OCM: variants seen among roughly 807,000 people sequenced by gnomAD.
The protein encoded by OCM is oncomodulin.
Under a neutral mutation model 14.1 loss-of-function variants are expected in OCM, and 18 were observed. That is an observed-to-expected ratio of 1.28 (90% confidence interval 0.88 to 1.89). The LOEUF is 1.89. OCM is among the 40% of genes most tolerant of loss of function. The pLI, the probability that OCM is intolerant of heterozygous loss-of-function variation, is 0.00. For missense variants in OCM, 140 were observed against 137.6 expected, an observed-to-expected ratio of 1.02 and a Z score of -0.09; for synonymous variants, 48 against 51.0, an observed-to-expected ratio of 0.94 and a Z score of 0.25.
the OCM span, among the ~76,000 whole-genome samples, chr7:5,871,174 C>G: frequency 1.3e-4 from 7 of 52,498 alleles, no homozygotes; most frequent in South Asian, 1.9e-3. Context: ...TAGTGAGAGC[C>G]CCCCCCCCGT....
At chr7:5,873,874 T>G in the OCM span, among the ~76,000 whole-genome samples, 1 of 151,898 alleles carries the variant, frequency 6.6e-6, no homozygotes, top group Non-Finnish European at 1.5e-5. Flanking sequence ...TAGCCCATCA[T>G]GCATGATGGA....
At chr7:5,885,305 A>G (rs1781309022) in intron 3 of OCM, among the ~76,000 whole-genome samples, 1 of 152,152 alleles carries the variant, frequency 6.6e-6, no homozygotes, top group Non-Finnish European at 1.5e-5. Context: ...AGTCAGTTCA[A>G]AGTCCCACCC....
At chr7:5,874,952 A>G (rs111300046), upstream of OCM, among the ~76,000 whole-genome samples, 230 of 151,798 alleles carry the variant, frequency 1.5e-3, 2 homozygotes, top group African/African-American at 5.4e-3. Context: ...GCTAACCACC[A>G]TTCTGTCTGT....
upstream of OCM, among the ~76,000 whole-genome samples, chr7:5,876,111 T>C (rs1172668427): frequency 1.3e-5 from 2 of 152,098 alleles, no homozygotes; most frequent in African/African-American, 4.8e-5. Flanking sequence ...TTCTAAGTGA[T>C]CCTCCTGACT....
chr7:5,880,814 A>G lies in OCM; in HGVS notation c.-76A>G. 1.5e-6 allele frequency: 2 copies of G among 1,376,782 alleles called. No homozygotes were observed. Among genetic ancestry groups the G allele is most frequent in the Non-Finnish European group, 2.1e-6 (2 of 967,392 alleles). The allele number at this position is 1,376,782 out of a possible 1,614,324, so 85.3% of individuals were successfully genotyped here. ...ATACAGTTTCAGTGGGCCTGGGAAGATGTGTTTCCCCTGGATGTGCACATT... is the reference window on the plus strand; with the variant it reads ...ATACAGTTTCAGTGGGCCTGGGAAGGTGTGTTTCCCCTGGATGTGCACATT... On this transcript the variant is annotated 5_prime_UTR_variant, in exon 1 of 4. It removes an upstream start codon present in the reference 5' UTR. Coordinates refer to ENST00000242104, the MANE Select transcript of OCM (RefSeq NM_001097622.2).
At chr7:5,874,489 A>G in the OCM span, among the ~76,000 whole-genome samples, 1 of 152,024 alleles carries the variant, frequency 6.6e-6, no homozygotes, top group South Asian at 2.1e-4. Flanking sequence ...TATGAAATTT[A>G]CCATCTTAAT....
the OCM span, among the ~76,000 whole-genome samples, chr7:5,867,030 T>C: frequency 1.3e-5 from 2 of 152,244 alleles, no homozygotes; most frequent in African/African-American, 2.4e-5. Flanking sequence ...TTATTTTTTA[T>C]GGCCCATCAA....
chr7:5,874,865 A>G (rs1781062724), upstream of OCM, among the ~76,000 whole-genome samples: 1 of 151,798 alleles, frequency 6.6e-6, no homozygotes, highest in African/African-American at 2.4e-5. Flanking sequence ...AACTGTCACC[A>G]CCATCCATCT....
chr7:5,882,278 C>CCAAGT (rs1183193550), intron 1 of OCM, among the ~76,000 whole-genome samples: 1 of 151,604 alleles, frequency 6.6e-6, no homozygotes, highest in Non-Finnish European at 1.5e-5. Flanking sequence ...ATGGACAAAA[C>CCAAGT]CAAGTGGAGG....
chr7:5,866,877 G>C, the OCM span, among the ~76,000 whole-genome samples: 1 of 152,096 alleles, frequency 6.6e-6, no homozygotes, highest in African/African-American at 2.4e-5. Context: ...ATTGTGTAAG[G>C]TCCAGTCCCT....
the OCM span, among the ~76,000 whole-genome samples, chr7:5,870,558 A>C: frequency 6.6e-6 from 1 of 152,224 alleles, no homozygotes; most frequent in Admixed American, 6.5e-5. Flanking sequence ...TAGGAAAAGC[A>C]GGGAACCAGA....
the OCM span, among the ~76,000 whole-genome samples, chr7:5,859,887 C>T: frequency 2.6e-5 from 4 of 151,784 alleles, no homozygotes. Context: ...AGGGTTTTAC[C>T]ATGTTGGCCA....
chr7:5,865,726 C>T, the OCM span, among the ~76,000 whole-genome samples: 9 of 152,180 alleles, frequency 5.9e-5, no homozygotes, highest in South Asian at 4.1e-4. Flanking sequence ...TGCTCAGCTG[C>T]GACCTGGAAG....
upstream of OCM, among the ~76,000 whole-genome samples, chr7:5,880,288 A>G (rs1253672501): frequency 2.0e-5 from 3 of 152,296 alleles, no homozygotes; most frequent in Admixed American, 6.5e-5. Flanking sequence ...TTATGTCAGT[A>G]TAATTTTTAT....
the OCM span, among the ~76,000 whole-genome samples, chr7:5,868,102 C>A: frequency 6.6e-6 from 1 of 151,804 alleles, no homozygotes; most frequent in African/African-American, 2.4e-5. Flanking sequence ...ATTTGCTAAT[C>A]CCATCCAGTG....
Position 5,886,228 on chromosome 7 carries a change from G to A in OCM, c.*139G>A. 2.4e-6 allele frequency: 3 copies of A among 1,244,056 alleles called. No individual in the cohort carries two copies. Among genetic ancestry groups the A allele is most frequent in the Non-Finnish European group, 2.3e-6 (2 of 877,350 alleles). 77.1% of individuals were successfully genotyped at this position (1,244,056 alleles called of 1,614,324 possible). On this transcript the variant is annotated 3_prime_UTR_variant, in exon 4 of 4. Coordinates refer to ENST00000242104, the MANE Select transcript of OCM (RefSeq NM_001097622.2). Reference sequence around the variant, plus strand: ...GAAAACCTTCTGCAGTTTGCTCATTGTTTTAGTGAGGTCACGAGGGAGTCA... The same window carrying A: ...GAAAACCTTCTGCAGTTTGCTCATTATTTTAGTGAGGTCACGAGGGAGTCA...
At chr7:5,881,581 G>A (rs1321295632) in intron 1 of OCM, among the ~76,000 whole-genome samples, 3 of 152,080 alleles carry the variant, frequency 2.0e-5, no homozygotes, top group Admixed American at 6.6e-5. Flanking sequence ...GGTGAGCTAT[G>A]ATCGCTACAC....
At chr7:5,869,891 A>G in the OCM span, among the ~76,000 whole-genome samples, 76 of 152,268 alleles carry the variant, frequency 5.0e-4, no homozygotes, top group African/African-American at 1.7e-3. Context: ...CTGACCCAGG[A>G]CAAGAGCACA....
At chr7:5,870,496 C>T in the OCM span, among the ~76,000 whole-genome samples, 1 of 152,302 alleles carries the variant, frequency 6.6e-6, no homozygotes, top group South Asian at 2.1e-4. Context: ...TTTCTTCTCA[C>T]TGGGGTTCTG....
Sources: allele counts gnomAD v4.1 joint callset (sites outside exome capture counted in the v4.1 genomes callset), GRCh38; gene constraint gnomAD v4.1.1; transcripts MANE v1.5; gene names NCBI Gene and HGNC (gene_info 2026-07-23, HGNC 2026-07-21).